SLC16A12: variants seen among roughly 807,000 people sequenced by gnomAD.
The protein encoded by SLC16A12 is monocarboxylate transporter 12.
SLC16A12 carries 17 observed loss-of-function variants against 42.4 expected under a neutral mutation model. The ratio of observed to expected loss-of-function variants is 0.40; its 90% CI spans 0.27 to 0.60. The LOEUF is 0.60. Ranked by LOEUF, SLC16A12 falls within the 20% of genes least tolerant of loss-of-function variation. The probability of loss-of-function intolerance (pLI) is 0.42; values close to 1 mark genes in which losing one functional copy is unlikely to be tolerated. For missense variants in SLC16A12, 544 were observed against 623.0 expected (o/e 0.87, Z 1.35); for synonymous variants, 224 against 229.4 (o/e 0.98, Z 0.21).
chr10:89,553,465 A>G (rs1843783703), intron 2 of SLC16A12, among the ~76,000 whole-genome samples: 1 of 152,200 alleles, frequency 6.6e-6, no homozygotes, highest in Non-Finnish European at 1.5e-5. Context: ...TTCAATACTA[A>G]ATTGTTTAAA....
intron 3 of SLC16A12, among the ~76,000 whole-genome samples, chr10:89,448,961 T>A (rs1407982773): frequency 6.6e-6 from 1 of 152,020 alleles, no homozygotes; most frequent in Non-Finnish European, 1.5e-5. Flanking sequence ...TATACACTAA[T>A]AACAGACAAA....
chr10:89,505,399 G>A (rs1843046009), intron 2 of SLC16A12, among the ~76,000 whole-genome samples: 1 of 151,850 alleles, frequency 6.6e-6, no homozygotes, highest in African/African-American at 2.4e-5. Context: ...CTCCAACCTG[G>A]GTGACAGAGT....
intron 2 of SLC16A12, 59 bp from the exon 3 acceptor site, chr10:89,462,683 TC>T: frequency 6.8e-7 from 1 of 1,467,388 alleles, no homozygotes; most frequent in South Asian, 1.4e-5. Flanking sequence ...GGTTGATTTT[TC>T]TTCACTTGGT....
upstream of SLC16A12, among the ~76,000 whole-genome samples, chr10:89,537,846 G>A (rs896737874): frequency 6.6e-6 from 1 of 152,206 alleles, no homozygotes; most frequent in African/African-American, 2.4e-5. Flanking sequence ...CTAATACTGT[G>A]TTTATTCTAT....
rs542469352 is a variant in SLC16A12 at position 89,548,935 on chromosome 10, T to G, written c.-47+6947A>C. On this transcript the variant is annotated intron_variant, in intron 2 of 2. Coordinates refer to the SLC16A12 transcript ENST00000475682. ...ATGTACACCAGCAGAGGGGAAATGC[T>G]GTCTTTCAAGAGAGGAATGAGTGAT... Among the ~76,000 whole-genome samples, 3 of 152,324 alleles carry G rather than the reference T, an allele frequency of 2.0e-5. No individual in the cohort carries two copies. The East Asian group carries it at 5.8e-4, about 29-fold the overall frequency.
At chr10:89,502,033 G>A (rs996728346) in intron 2 of SLC16A12, among the ~76,000 whole-genome samples, 1 of 152,104 alleles carries the variant, frequency 6.6e-6, no homozygotes, top group Non-Finnish European at 1.5e-5. Flanking sequence ...TCCTTACTGT[G>A]TTGCTTTTAA....
chr10:89,519,491 G>A (rs867199833), intron 2 of SLC16A12, among the ~76,000 whole-genome samples: 4 of 152,062 alleles, frequency 2.6e-5, no homozygotes, highest in East Asian at 1.9e-4. Flanking sequence ...CGTGAGAACC[G>A]GAACTATGAA....
chr10:89,511,813 T>C (rs1473173967), intron 2 of SLC16A12, among the ~76,000 whole-genome samples: 1 of 152,116 alleles, frequency 6.6e-6, no homozygotes, highest in African/African-American at 2.4e-5. Flanking sequence ...CTTTCAGATA[T>C]ATACCCAAAA....
In SLC16A12 at chr10:89,436,167, A is replaced by T; in HGVS notation, c.1181T>A (p.Ile394Asn). The T allele has an allele frequency of 6.2e-7, 1 of 1,614,156 alleles. No homozygotes were observed. Among genetic ancestry groups the T allele is most frequent in the Non-Finnish European group, 8.5e-7 (1 of 1,180,012 alleles). ...GYFDGAYVTLIPVVTTEIVGT... is the reference protein window; with the variant it reads ...GYFDGAYVTLNPVVTTEIVGT... ...CACTATCTCTGTGGTCACTACTGGG[A>T]TCAAAGTCACATAGGCACCATCAAA... The change falls in exon 7 of 8, where the codon ATC (isoleucine) becomes AAC (asparagine). Residue 394 changes from isoleucine (I) to asparagine (N), a missense_variant. By Grantham distance (149) the Ile-to-Asn change is moderately radical. Transcript: ENST00000371790.
At chr10:89,544,200 C>T (rs955387957) in intron 2 of SLC16A12, among the ~76,000 whole-genome samples, 1 of 152,236 alleles carries the variant, frequency 6.6e-6, no homozygotes, top group African/African-American at 2.4e-5. Context: ...TCAAGTTTCT[C>T]TAGCTGAGTG....
At chr10:89,455,233 G>T (rs192372794) in intron 3 of SLC16A12, among the ~76,000 whole-genome samples, 1 of 151,982 alleles carries the variant, frequency 6.6e-6, no homozygotes, top group Non-Finnish European at 1.5e-5. Flanking sequence ...AAGAGAAAAG[G>T]GCCCCCAGAT....
intron 2 of SLC16A12, among the ~76,000 whole-genome samples, chr10:89,496,816 A>T (rs887793459): frequency 3.3e-5 from 5 of 152,202 alleles, no homozygotes; most frequent in African/African-American, 4.8e-5. Flanking sequence ...TTATTAAGAC[A>T]ATAAAAAAGC....
chr10:89,459,522 GTGTGTGTGTGTGTGTA>G (rs1842258663), intron 3 of SLC16A12, among the ~76,000 whole-genome samples: 2 of 151,546 alleles, frequency 1.3e-5, no homozygotes, highest in African/African-American at 2.4e-5. Context: ...GTTTATGTGT[GTGTGTGTGTGTGTGTA>G]TGTGTGTGTG....
At chr10:89,486,651 G>GA (rs1211755359) in intron 2 of SLC16A12, among the ~76,000 whole-genome samples, 1 of 47,908 alleles carries the variant, frequency 2.1e-5, no homozygotes, top group Non-Finnish European at 4.2e-5. Context: ...AAGAAAGAAA[G>GA]AAAGAAAGAA....
chr10:89,482,925 G>A (rs564683154), intron 2 of SLC16A12, among the ~76,000 whole-genome samples: 13 of 152,200 alleles, frequency 8.5e-5, no homozygotes, highest in East Asian at 1.9e-4. Context: ...TTGCTTAGCC[G>A]GGCTCCAGGT....
intron 2 of SLC16A12, among the ~76,000 whole-genome samples, chr10:89,517,952 T>C (rs999793599): frequency 1.3e-5 from 2 of 151,976 alleles, no homozygotes; most frequent in Non-Finnish European, 2.9e-5. Flanking sequence ...TTCAGAAACA[T>C]TAAAATAAGG....
chr10:89,500,581 C>T (rs1374363694), intron 2 of SLC16A12, among the ~76,000 whole-genome samples: 17 of 152,014 alleles, frequency 1.1e-4, no homozygotes, highest in Admixed American at 9.8e-4. Flanking sequence ...AAAAAGCATT[C>T]GACAAAATCC....
chr10:89,539,685 C>T (rs1025217603), upstream of SLC16A12, among the ~76,000 whole-genome samples: 2 of 152,110 alleles, frequency 1.3e-5, no homozygotes, highest in Admixed American at 6.5e-5. Context: ...AACCTTAAGG[C>T]TTTTGCCTAA....
intron 3 of SLC16A12, among the ~76,000 whole-genome samples, chr10:89,446,492 C>CA (rs1173855787): frequency 5.3e-5 from 8 of 152,192 alleles, no homozygotes; most frequent in Admixed American, 3.9e-4. Flanking sequence ...CCCAGAATTT[C>CA]ATATCTGGCC....
Sources: allele counts gnomAD v4.1 joint callset (sites outside exome capture counted in the v4.1 genomes callset), GRCh38; gene constraint gnomAD v4.1.1; transcripts MANE v1.5; gene names NCBI Gene and HGNC (gene_info 2026-07-23, HGNC 2026-07-21).